Variants in UQCC6 observed in about 807,000 individuals in gnomAD.
The protein encoded by UQCC6 is protein BRAWNIN.
At chr12:103,960,087 AT>A in the UQCC6 span, among the ~76,000 whole-genome samples, 1 of 151,538 alleles carries the variant, frequency 6.6e-6, no homozygotes, top group South Asian at 2.1e-4. Flanking sequence ...TTATTTATTT[AT>A]TCTTTCATTC....
chr12:103,963,706 G>A, the UQCC6 span, among the ~76,000 whole-genome samples: 1 of 151,972 alleles, frequency 6.6e-6, no homozygotes, highest in Non-Finnish European at 1.5e-5. Context: ...TCATATTTTT[G>A]ATGCTATTGT....
At chr12:103,955,391 C>T in the UQCC6 span, among the ~76,000 whole-genome samples, 11 of 152,302 alleles carry the variant, frequency 7.2e-5, no homozygotes, top group Admixed American at 2.0e-4. Flanking sequence ...AATCCCAACA[C>T]TTTCAGAGGC....
chr12:103,955,786 C>T, the UQCC6 span: 7 of 456,016 alleles, frequency 1.5e-5, 1 homozygote, highest in South Asian at 1.1e-4. Flanking sequence ...AGCATAACAG[C>T]ACATTCTTGT....
chr12:103,958,507 A>G, the UQCC6 span, among the ~76,000 whole-genome samples: 1 of 152,010 alleles, frequency 6.6e-6, no homozygotes, highest in Non-Finnish European at 1.5e-5. Flanking sequence ...TTCTGTCACT[A>G]TAAGTTAGTT....
At chr12:103,963,725 T>C in the UQCC6 span, among the ~76,000 whole-genome samples, 1 of 152,216 alleles carries the variant, frequency 6.6e-6, no homozygotes, top group Non-Finnish European at 1.5e-5. Flanking sequence ...GTGAATGGTA[T>C]TTTTTCTAAT....
chr12:103,951,610 T>C, the UQCC6 span: 1 of 1,540,916 alleles, frequency 6.5e-7, no homozygotes, highest in East Asian at 2.5e-5. Flanking sequence ...CTCCACGCTT[T>C]GGTGGAATTT....
the UQCC6 span, among the ~76,000 whole-genome samples, chr12:103,957,940 T>TATATATTTTTAATA: frequency 6.9e-6 from 1 of 144,362 alleles, no homozygotes; most frequent in Admixed American, 7.0e-5. Flanking sequence ...TATACATATT[T>TATATATTTTTAATA]TATATTATAT....
the UQCC6 span, chr12:103,955,623 C>A: frequency 5.0e-6 from 2 of 401,716 alleles, no homozygotes; most frequent in South Asian, 1.9e-5. Context: ...CAGAATGAGA[C>A]CTGTCTAATT....
the UQCC6 span, among the ~76,000 whole-genome samples, chr12:103,960,614 C>A: frequency 2.6e-5 from 4 of 152,084 alleles, no homozygotes; most frequent in Non-Finnish European, 1.5e-5. Flanking sequence ...GACACATACC[C>A]CACACCATAT....
At chr12:103,955,591 C>A in the UQCC6 span, 1 of 362,634 alleles carries the variant, frequency 2.8e-6, no homozygotes, top group South Asian at 2.2e-5. Context: ...CTGATTGCAC[C>A]ACTGCACTCC....
the UQCC6 span, among the ~76,000 whole-genome samples, chr12:103,952,571 G>GT: frequency 1.3e-5 from 2 of 152,220 alleles, no homozygotes; most frequent in Non-Finnish European, 2.9e-5. Flanking sequence ...TATGGAAACT[G>GT]TTTAACTGCT....
the UQCC6 span, chr12:103,955,661 T>G: frequency 2.4e-6 from 1 of 415,784 alleles, no homozygotes; most frequent in South Asian, 1.7e-5. Context: ...CAATAAAAAT[T>G]TCTAAAAAAA....
chr12:103,958,556 T>C, the UQCC6 span, among the ~76,000 whole-genome samples: 1 of 152,202 alleles, frequency 6.6e-6, no homozygotes, highest in Non-Finnish European at 1.5e-5. Context: ...AATTATACCG[T>C]ATGTACTATT....
At chr12:103,956,633 G>C in the UQCC6 span, 11 of 1,546,888 alleles carry the variant, frequency 7.1e-6, no homozygotes, top group Middle Eastern at 3.3e-4. Flanking sequence ...GCACTCACCA[G>C]GTCCGGTCGG....
chr12:103,956,810 C>T, the UQCC6 span: 1 of 1,071,878 alleles, frequency 9.3e-7, no homozygotes, highest in African/African-American at 1.6e-5. Context: ...CGCGCCAGGG[C>T]TGAGGCGCTC....
At chr12:103,956,702 T>C in the UQCC6 span, 1 of 1,551,516 alleles carries the variant, frequency 6.4e-7, no homozygotes, top group Non-Finnish European at 8.7e-7. Flanking sequence ...GCTGCGAACA[T>C]TTTCAGGTAG....
the UQCC6 span, chr12:103,956,720 TGGGCACGCCC>T: frequency 2.3e-5 from 35 of 1,551,418 alleles, no homozygotes; most frequent in Non-Finnish European, 2.8e-5. Context: ...TAGGTGGACA[TGGGCACGCCC>T]GCGGGCATGG....
At chr12:103,956,771 G>C in the UQCC6 span, 1 of 1,453,754 alleles carries the variant, frequency 6.9e-7, no homozygotes, top group Non-Finnish European at 9.4e-7. Flanking sequence ...GGAAGGGGCA[G>C]TGTCAGAAGT....
chr12:103,955,488 T>C, the UQCC6 span, among the ~76,000 whole-genome samples: 4 of 151,910 alleles, frequency 2.6e-5, no homozygotes, highest in East Asian at 7.7e-4. Context: ...AATTTAAAAA[T>C]TAGCTGGGTG....
Sources: allele counts gnomAD v4.1 joint callset (sites outside exome capture counted in the v4.1 genomes callset), GRCh38; gene constraint gnomAD v4.1.1; transcripts MANE v1.5; gene names NCBI Gene and HGNC (gene_info 2026-07-23, HGNC 2026-07-21).